The following HNRNPR variants were observed in gnomAD, a reference collection of about 807,000 sequenced individuals.
The protein encoded by HNRNPR is heterogeneous nuclear ribonucleoprotein R.
A neutral mutation model predicts 70.3 loss-of-function variants in HNRNPR; 4 were observed. The ratio of observed to expected loss-of-function variants is 0.06; its 90% CI spans 0.03 to 0.13. The LOEUF is 0.13. HNRNPR is among the 10% of genes least tolerant of loss of function. The probability of loss-of-function intolerance (pLI) is 1.00; values close to 1 mark genes in which losing one functional copy is unlikely to be tolerated. For missense variants in HNRNPR, 423 were observed against 788.5 expected (o/e 0.54, Z 5.55); for synonymous variants, 241 against 267.6 (o/e 0.90, Z 0.97).
chr1:23,313,623 T>G lies in HNRNPR; in HGVS notation c.1097A>C (p.Lys366Thr), dbSNP rs767167819. ...TTTCAACTTCTTTACTCTTTCGAGT[T>G]TTCCAAATTCAGAAAATGACTTTTC... ...ILEKSFSEFG[K>T]LERVKKLKDY... The change falls in exon 9 of 11, where the codon AAA becomes ACA. Residue 366 changes from lysine to threonine, a missense_variant. Coordinates refer to ENST00000302271, the MANE Select transcript of HNRNPR (RefSeq NM_005826.5). The G allele has an allele frequency of 6.2e-7, 1 of 1,604,364 alleles. No homozygotes were observed. Among genetic ancestry groups the G allele is most frequent in the Non-Finnish European group, 8.5e-7 (1 of 1,177,500 alleles).
Position 23,304,834 on chromosome 1 carries a change from G to T in HNRNPR, c.*5620C>A, listed in dbSNP as rs1307108391. ...AGGTCTTGCAAATGTCCCTATTTTG[G>T]TATTTCTTATGTTACTATATCCATA... On this transcript the variant is annotated 3_prime_UTR_variant, in exon 11 of 11. Coordinates refer to ENST00000302271, the MANE Select transcript of HNRNPR (RefSeq NM_005826.5). 1 of 152,042 alleles carries T rather than the reference G, an allele frequency of 6.6e-6. No homozygotes were observed. Among genetic ancestry groups the T allele is most frequent in the East Asian group, 1.9e-4 (1 of 5,190 alleles). 9.4% of individuals were successfully genotyped at this position (152,042 alleles called of 1,614,324 possible).
intron 9 of HNRNPR, among the ~76,000 whole-genome samples, chr1:23,312,859 TC>T (rs1168741189): frequency 2.0e-5 from 3 of 151,968 alleles, no homozygotes; most frequent in Non-Finnish European, 4.4e-5. Flanking sequence ...TTTGTCTTGC[TC>T]CCACCCCCCC....
intron 7 of HNRNPR, among the ~76,000 whole-genome samples, chr1:23,319,239 C>T (rs1009289267): frequency 5.8e-4 from 88 of 152,270 alleles, no homozygotes; most frequent in African/African-American, 2.1e-3. Flanking sequence ...CTTATAAATA[C>T]TTAGATTTTT....
chr1:23,323,977 C>T (rs1267421344), intron 5 of HNRNPR, among the ~76,000 whole-genome samples: 2 of 151,968 alleles, frequency 1.3e-5, no homozygotes, highest in East Asian at 3.9e-4. Context: ...TGTATTTACT[C>T]TAAATTTTAA....
intron 8 of HNRNPR, 67 bp from the exon 9 acceptor site, chr1:23,313,769 T>C: frequency 2.0e-6 from 3 of 1,518,974 alleles, no homozygotes; most frequent in Non-Finnish European, 2.7e-6. Context: ...TGTTTCTTCC[T>C]GTCTTCATAG....
intron 3 of HNRNPR, chr1:23,338,095 G>C (rs770086533): frequency 7.2e-5 from 31 of 432,470 alleles, no homozygotes; most frequent in Non-Finnish European, 1.3e-4. Flanking sequence ...TCTTCCACTT[G>C]TTGATATGTG....
At position 23,310,982 on chromosome 1, in the gene HNRNPR, A is replaced by G; in HGVS notation, c.1374T>C (p.Tyr458=). ...AGCCGTAGTAATCTGGAGGGTAGCC[A>G]TATCCACCTCTCCCCCCACCACGAC... The part of the protein sequence containing the change: ...GRGRGGGRGG[Y]GYPPDYYGYE... The change falls in exon 11 of 11, where the codon TAT becomes TAC. Residue 458 remains tyrosine (Y), a synonymous_variant. Transcript: ENST00000302271. The surrounding 1 kb of genome is among the most constrained non-coding windows in gnomAD (Gnocchi z 6.0). 6.2e-7 allele frequency: 1 copy of G among 1,614,080 alleles called. No homozygotes were observed. Among genetic ancestry groups the G allele is most frequent in the African/African-American group, 1.3e-5 (1 of 75,014 alleles).
At chr1:23,320,740 T>C (rs1645723087) in intron 7 of HNRNPR, among the ~76,000 whole-genome samples, 1 of 152,154 alleles carries the variant, frequency 6.6e-6, no homozygotes. Context: ...ATAAGAAATA[T>C]CAAAATAAAT....
At chr1:23,340,827 C>A in intron 2 of HNRNPR, 25 bp downstream of exon 2, 2 of 1,578,326 alleles carry the variant, frequency 1.3e-6, no homozygotes, top group South Asian at 1.2e-5. Context: ...CATAACCAGT[C>A]AGAAACAAGA....
In HNRNPR at chr1:23,306,652, T is replaced by G. The variant is rs550886441; in HGVS notation, c.*3802A>C. On this transcript the variant is annotated 3_prime_UTR_variant, in exon 11 of 11. Transcript: ENST00000302271. Reference sequence around the variant, plus strand: ...TTCTGGTAACCTCTAAATAAAAAAGTATATATATGTACTTTTATTTAAAGA... The same window carrying G: ...TTCTGGTAACCTCTAAATAAAAAAGGATATATATGTACTTTTATTTAAAGA... 21 of 151,900 alleles carry G rather than the reference T, an allele frequency of 1.4e-4. No homozygotes were observed. Among genetic ancestry groups the G allele is most frequent in the African/African-American group, 5.1e-4 (21 of 41,464 alleles). 9.4% of individuals were successfully genotyped at this position (151,900 alleles called of 1,614,324 possible).
At position 23,318,651 on chromosome 1, in the gene HNRNPR, A is replaced by T; in HGVS notation, c.849T>A (p.Asp283Glu). 6.2e-7 allele frequency: 1 copy of T among 1,614,180 alleles called. No homozygotes were observed. The highest frequency in any genetic ancestry group is 1.1e-5 in the South Asian group (1 of 91,086). ...AGAACCCCCGATTCTTCTTTTTGTCATCGGGTTGATGATAGAGAATAACGT... is the reference window on the plus strand; with the variant it reads ...AGAACCCCCGATTCTTCTTTTTGTCTTCGGGTTGATGATAGAGAATAACGT... ...LVDVILYHQP[D>E]DKKKNRGFCF... Residue 283 changes from aspartate to glutamate, a missense_variant, in exon 8 of 11, where the codon GAT (aspartate) becomes GAA (glutamate). Asp to Glu is a conservative substitution (Grantham distance 45). Around this residue, in one of 7 missense-constraint regions of HNRNPR, gnomAD observed 118 missense variants for 239.3 expected, o/e 0.49. Coordinates refer to ENST00000302271, the MANE Select transcript of HNRNPR (RefSeq NM_005826.5). This position sits in a 1 kb window ranked among gnomAD's most constrained non-coding sequence, Gnocchi z 4.2.
At chr1:23,315,799 G>GA (rs1645520442) in intron 8 of HNRNPR, among the ~76,000 whole-genome samples, 1 of 151,932 alleles carries the variant, frequency 6.6e-6, no homozygotes, top group Admixed American at 6.5e-5. Context: ...ATTTAAGGAG[G>GA]AAAAAAACTA....
At chr1:23,313,802 A>G in intron 8 of HNRNPR, 100 bp from the exon 9 acceptor site, 1 of 1,293,086 alleles carries the variant, frequency 7.7e-7, no homozygotes, top group Non-Finnish European at 1.1e-6. Context: ...CCTCTAAAAC[A>G]TTAAGTGCTA....
intron 1 of HNRNPR, among the ~76,000 whole-genome samples, chr1:23,343,391 C>G (rs1203478182): frequency 6.6e-6 from 1 of 152,170 alleles, no homozygotes; most frequent in Non-Finnish European, 1.5e-5. Flanking sequence ...CTACGACTGA[C>G]TCATGAGACA....
chr1:23,308,120 A>G lies in HNRNPR; in HGVS notation c.*2334T>C, dbSNP rs1228696180. 6.6e-6 allele frequency: 1 copy of G among 152,044 alleles called. No individual in the cohort carries two copies. Among genetic ancestry groups the G allele is most frequent in the East Asian group, 1.9e-4 (1 of 5,202 alleles). 9.4% of individuals were successfully genotyped at this position (152,044 alleles called of 1,614,324 possible). ...TTATAGGATTATGCTTTACAATTTA[A>G]AATAGCCACAAAACCTATAAACCAA... On this transcript the variant is annotated 3_prime_UTR_variant, in exon 11 of 11. Transcript: ENST00000302271.
rs1245134382 is a variant in HNRNPR, at chr1:23,310,807, C to T, written c.1549G>A (p.Gly517Arg). ...CCTCTTGGAGGTGGTGCTCCCCTCC[C>T]CCTTGGTGGTGGTGGAGCACCTCGC... ...GGRGAPPPPR[G>R]RGAPPPRGRA... Residue 517 changes from glycine (G) to arginine (R), a missense_variant, in exon 11 of 11, where the codon GGG (glycine) becomes AGG (arginine). Around this residue, in one of 7 missense-constraint regions of HNRNPR, gnomAD observed 169 missense variants for 195.6 expected, o/e 0.86. Coordinates refer to ENST00000302271, the MANE Select transcript of HNRNPR (RefSeq NM_005826.5). The surrounding 1 kb of genome is among the most constrained non-coding windows in gnomAD (Gnocchi z 6.0). 6.2e-7 allele frequency: 1 copy of T among 1,614,066 alleles called. No individual in the cohort carries two copies. Among genetic ancestry groups the T allele is most frequent in the South Asian group, 1.1e-5 (1 of 91,068 alleles).
At chr1:23,340,198 C>A (rs893618603) in intron 2 of HNRNPR, among the ~76,000 whole-genome samples, 3 of 152,022 alleles carry the variant, frequency 2.0e-5, no homozygotes, top group Admixed American at 2.0e-4. Flanking sequence ...TTATGAACAA[C>A]GCTCCCTAAG....
intron 8 of HNRNPR, 118 bp from the exon 9 acceptor site, chr1:23,313,820 T>C: frequency 8.9e-7 from 1 of 1,127,736 alleles, no homozygotes; most frequent in Non-Finnish European, 1.2e-6. Context: ...CTAAAAGTGT[T>C]GTTACAGGTA....
intron 9 of HNRNPR, among the ~76,000 whole-genome samples, chr1:23,313,148 A>G (rs1316759916): frequency 6.6e-6 from 1 of 152,172 alleles, no homozygotes; most frequent in Non-Finnish European, 1.5e-5. Flanking sequence ...TATCTACTCA[A>G]TTAAACATGG....
Sources: gnomAD v4.1 joint callset for allele counts (sites outside exome capture counted in the v4.1 genomes callset) on GRCh38, gnomAD v4.1.1 for gene constraint, gnomAD v4.1.1 regional missense constraint, Gnocchi (gnomAD v3.1) non-coding constraint, MANE v1.5 for transcripts, NCBI Gene and HGNC (gene_info 2026-07-23, HGNC 2026-07-21) for gene names.